Variants in CSMD1 observed in about 807,000 individuals in gnomAD.
The protein encoded by CSMD1 is CUB and Sushi multiple domains 1, also known as CUB and sushi domain-containing protein 1.
A neutral mutation model predicts 417.5 loss-of-function variants in CSMD1; 213 were observed. The observed-to-expected ratio is 0.51, with a 90% CI of 0.46 to 0.57. The LOEUF (loss-of-function observed/expected upper bound fraction) is 0.57. Among genes scored for constraint, CSMD1 ranks in the 20% least tolerant of loss-of-function variants. CSMD1 has a pLI of 0.00. For missense variants in CSMD1, 6,923 were observed against 4,529.7 expected, an observed-to-expected ratio of 1.53 and a Z score of -15.17; for synonymous variants, 2,862 against 1,736.8, an observed-to-expected ratio of 1.65 and a Z score of -16.11.
intron 1 of CSMD1, among the ~76,000 whole-genome samples, chr8:4,988,702 G>A (rs188343269): frequency 3.3e-5 from 5 of 152,190 alleles, no homozygotes; most frequent in Non-Finnish European, 5.9e-5. Flanking sequence ...CTTCCCTAAA[G>A]CACTGATGGC....
intron 1 of CSMD1, among the ~76,000 whole-genome samples, chr8:4,710,299 T>C (rs987288522): frequency 6.6e-6 from 1 of 151,424 alleles, no homozygotes; most frequent in Non-Finnish European, 1.5e-5. Context: ...ATAATGTATA[T>C]GTGTATACAT....
chr8:4,631,754 A>T (rs1026865401), intron 2 of CSMD1, among the ~76,000 whole-genome samples: 1 of 152,248 alleles, frequency 6.6e-6, no homozygotes, highest in Admixed American at 6.5e-5. Context: ...TGGCCCTATC[A>T]CATTCACCTC....
intron 9 of CSMD1, among the ~76,000 whole-genome samples, chr8:3,578,730 G>T (rs75141258): frequency 0.022 from 3,334 of 152,240 alleles, 131 homozygotes; most frequent in African/African-American, 0.076. Context: ...GAGGGAAACT[G>T]TTCTGACTGG....
chr8:4,322,794 A>T (rs964171030), intron 3 of CSMD1, among the ~76,000 whole-genome samples: 1 of 152,198 alleles, frequency 6.6e-6, no homozygotes, highest in Non-Finnish European at 1.5e-5. Context: ...CAGGAGTACA[A>T]GACCAGCCTG....
At chr8:4,112,784 T>C (rs1453148644) in intron 3 of CSMD1, among the ~76,000 whole-genome samples, 2 of 152,226 alleles carry the variant, frequency 1.3e-5, no homozygotes, top group Non-Finnish European at 2.9e-5. Context: ...CTCCAAACGT[T>C]AGAATTTTAT....
intron 2 of CSMD1, among the ~76,000 whole-genome samples, chr8:4,450,048 A>C (rs919956350): frequency 6.6e-6 from 1 of 152,010 alleles, no homozygotes; most frequent in Admixed American, 6.6e-5. Flanking sequence ...ACTGGGTTCC[A>C]CTTTTCTCCC....
In CSMD1 at chr8:3,343,346, C is replaced by G; in HGVS notation, c.3579G>C (p.Glu1193Asp). The change falls in exon 23 of 70, where the codon GAG becomes GAC. Residue 1193 changes from glutamate (E) to aspartate (D), a missense_variant. Physicochemically the swap from Glu to Asp is conservative, Grantham distance 45. Transcript: ENST00000635120. ...LNSTSNHLWL[E>D]FNTNGSDTDQ... Reference sequence around the variant, plus strand: ...CGGTGTCAGATCCATTGGTGTTGAACTCTAGCCACAGGTGATTGGATGTGC... The same window carrying G: ...CGGTGTCAGATCCATTGGTGTTGAAGTCTAGCCACAGGTGATTGGATGTGC... 1.9e-6 allele frequency: 3 copies of G among 1,613,804 alleles called. No individual in the cohort carries two copies. The highest frequency in any genetic ancestry group is 2.5e-6 in the Non-Finnish European group (3 of 1,179,782).
intron 3 of CSMD1, among the ~76,000 whole-genome samples, chr8:4,139,801 G>A (rs1585401808): frequency 6.6e-6 from 1 of 151,086 alleles, no homozygotes; most frequent in Non-Finnish European, 1.5e-5. Flanking sequence ...GTGTTCTACA[G>A]GCTTACTGGA....
intron 1 of CSMD1, among the ~76,000 whole-genome samples, chr8:4,837,316 G>A (rs1196002673): frequency 1.3e-5 from 2 of 152,158 alleles, no homozygotes; most frequent in Non-Finnish European, 2.9e-5. Context: ...CTGCTGCACT[G>A]TTTACAATAG....
In CSMD1 at chr8:4,318,342, CCT is replaced by C. The variant is rs1342020979; in HGVS notation, c.415+101609_415+101610del. ...CTTTACCATTAGGTCATCCATCCCTCCTCTCTCTTTTTATGCACACATGTGCA... is the reference window on the plus strand; with the variant it reads ...CTTTACCATTAGGTCATCCATCCCTCCTCTCTTTTTATGCACACATGTGCA... On this transcript the variant is annotated intron_variant, in intron 3 of 69. Coordinates refer to ENST00000635120, the MANE Select transcript of CSMD1 (RefSeq NM_033225.6). Among the ~76,000 whole-genome samples the C allele has an allele frequency of 2.6e-5, 4 of 152,230 alleles. No homozygotes were observed. The South Asian group carries it at 8.3e-4, about 32-fold the overall frequency.
intron 3 of CSMD1, among the ~76,000 whole-genome samples, chr8:4,118,740 G>C (rs1011464996): frequency 2.0e-5 from 3 of 152,168 alleles, no homozygotes; most frequent in Non-Finnish European, 4.4e-5. Flanking sequence ...TCCCATTACT[G>C]GGTATATGCC....
chr8:3,906,303 A>C (rs376549369), intron 5 of CSMD1, among the ~76,000 whole-genome samples: 6 of 146,320 alleles, frequency 4.1e-5, no homozygotes, highest in Non-Finnish European at 9.2e-5. Context: ...GAAAAAAAAA[A>C]CCCCATGAAA....
In CSMD1 at chr8:3,411,699, TATATATACACGTATATATACACGTAC is replaced by T. The variant is rs1462489832; in HGVS notation, c.1562-2120_1562-2095del. Among the ~76,000 whole-genome samples, 7 of 133,026 alleles carry T rather than the reference TATATATACACGTATATATACACGTAC, an allele frequency of 5.3e-5. 1 individual carries two copies. The highest frequency in any genetic ancestry group is 1.6e-4 in the African/African-American group (6 of 36,786). The allele number at this position is 133,026 out of a possible 152,430, so 87.3% of individuals were successfully genotyped here. A position where few individuals can be genotyped will look rare whatever the true frequency, so the allele number is the denominator to read the frequency against. ...ATATATACGTGTATATATACACACG[TATATATACACGTATATATACACGTAC>T]ATATATACACGTGTATATATACACG... On this transcript the variant is annotated intron_variant, in intron 12 of 69. Coordinates refer to ENST00000635120, the MANE Select transcript of CSMD1 (RefSeq NM_033225.6).
At chr8:3,523,267 T>G (rs1312702459) in intron 10 of CSMD1, among the ~76,000 whole-genome samples, 2 of 152,200 alleles carry the variant, frequency 1.3e-5, no homozygotes, top group Non-Finnish European at 1.5e-5. Context: ...GGATTTAAAA[T>G]AAAGCCTACA....
At chr8:3,009,628 G>A (rs868397109) in intron 52 of CSMD1, among the ~76,000 whole-genome samples, 35 of 152,160 alleles carry the variant, frequency 2.3e-4, no homozygotes, top group South Asian at 6.2e-4. Context: ...AAACACATTT[G>A]AATATTGATA....
rs76192956 is a variant in CSMD1 at position 4,341,870 on chromosome 8, G to A, written c.415+78083C>T. Among the ~76,000 whole-genome samples, 435 of 152,156 alleles carry A rather than the reference G, an allele frequency of 2.9e-3. 1 individual carries two copies. The highest frequency in any genetic ancestry group is 9.4e-3 in the African/African-American group (392 of 41,556). On this transcript the variant is annotated intron_variant, in intron 3 of 69. Coordinates refer to ENST00000635120, the MANE Select transcript of CSMD1 (RefSeq NM_033225.6). ...GCTTCACCCAGCAGCCACAGCTGATGTTAACCTTCCACACCACTAACTTTC... is the reference window on the plus strand; with the variant it reads ...GCTTCACCCAGCAGCCACAGCTGATATTAACCTTCCACACCACTAACTTTC...
intron 28 of CSMD1, among the ~76,000 whole-genome samples, chr8:3,223,472 C>T (rs1458251202): frequency 6.6e-6 from 1 of 152,116 alleles, no homozygotes; most frequent in African/African-American, 2.4e-5. Context: ...CTGTTTAAGC[C>T]TTCTCATATG....
intron 3 of CSMD1, among the ~76,000 whole-genome samples, chr8:4,041,189 T>G (rs1334607950): frequency 6.6e-6 from 1 of 151,858 alleles, no homozygotes; most frequent in East Asian, 1.9e-4. Context: ...GCTAATTTTT[T>G]TGTATTTTTG....
intron 3 of CSMD1, among the ~76,000 whole-genome samples, chr8:4,063,671 C>G (rs1268562524): frequency 6.6e-6 from 1 of 152,142 alleles, no homozygotes; most frequent in African/African-American, 2.4e-5. Context: ...GGCATTCTAC[C>G]AGGAAGGATA....
Sources: gnomAD v4.1 joint callset for allele counts (sites outside exome capture counted in the v4.1 genomes callset) on GRCh38, gnomAD v4.1.1 for gene constraint, MANE v1.5 for transcripts, NCBI Gene and HGNC (gene_info 2026-07-23, HGNC 2026-07-21) for gene names.